KCNIP3: variants seen among roughly 807,000 people sequenced by gnomAD.
KCNIP3 encodes the protein calsenilin.
A neutral mutation model predicts 35.0 loss-of-function variants in KCNIP3; 28 were observed. The ratio of observed to expected loss-of-function variants is 0.80; its 90% confidence interval spans 0.59 to 1.10. KCNIP3 has a LOEUF of 1.10. KCNIP3 is among the 50% of genes least tolerant of loss of function. The pLI, the probability that KCNIP3 is intolerant of heterozygous loss-of-function variation, is 0.00. For missense variants in KCNIP3, 295 were observed against 338.4 expected, an observed-to-expected ratio of 0.87 and a Z score of 1.01; for synonymous variants, 134 against 133.8, an observed-to-expected ratio of 1.00 and a Z score of -0.01.
At chr2:95,345,996 G>A (rs1276090906) in intron 2 of KCNIP3, among the ~76,000 whole-genome samples, 2 of 152,232 alleles carry the variant, frequency 1.3e-5, no homozygotes, top group African/African-American at 2.4e-5. Flanking sequence ...TCCGTGACTC[G>A]ACCAAGGTCA....
At chr2:95,363,696 G>A (rs1202764807) in intron 2 of KCNIP3, among the ~76,000 whole-genome samples, 2 of 152,120 alleles carry the variant, frequency 1.3e-5, no homozygotes, top group Non-Finnish European at 2.9e-5. Context: ...ACATTAATAT[G>A]TGGCCATAAG....
intron 2 of KCNIP3, among the ~76,000 whole-genome samples, chr2:95,361,809 C>T (rs1679806174): frequency 2.0e-5 from 3 of 152,204 alleles, no homozygotes; most frequent in Admixed American, 6.5e-5. Context: ...GGTACGGCAG[C>T]GAGGAGACCC....
intron 2 of KCNIP3, among the ~76,000 whole-genome samples, chr2:95,325,783 T>G (rs539998592): frequency 9.9e-6 from 1 of 101,124 alleles, no homozygotes; most frequent in African/African-American, 3.9e-5. Context: ...ATACACACAC[T>G]CATACACACT....
At chr2:95,324,523 G>GATAAATAA (rs140027632) in intron 2 of KCNIP3, among the ~76,000 whole-genome samples, 48,131 of 145,598 alleles carry the variant, frequency 0.33, 8,947 homozygotes, top group African/African-American at 0.49. Flanking sequence ...AAAATAAATA[G>GATAAATAA]ATAAATAAAT....
chr2:95,335,182 G>A (rs555437616), intron 2 of KCNIP3, among the ~76,000 whole-genome samples: 1 of 152,346 alleles, frequency 6.6e-6, no homozygotes, highest in South Asian at 2.1e-4. Context: ...CACAGCTCCT[G>A]TGATGGGAAA....
rs1375915672 is a variant in KCNIP3 at position 95,354,971 on chromosome 2, C to T, written c.182-19325C>T. On this transcript the variant is annotated intron_variant, in intron 2 of 8. Coordinates refer to ENST00000295225, the MANE Select transcript of KCNIP3 (RefSeq NM_013434.5). Reference sequence around the variant, plus strand: ...GGGATGCTGATGACAGTGATAGGAACCAGCCTCTAGAGAATGCTCTCTCTT... The same window carrying T: ...GGGATGCTGATGACAGTGATAGGAATCAGCCTCTAGAGAATGCTCTCTCTT... 2.0e-5 allele frequency: 3 copies of T among 152,272 alleles called. No individual in the cohort carries two copies. In the East Asian group the frequency reaches 5.8e-4, roughly 29 times the overall value. The allele number at this position is 152,272 out of a possible 1,614,324, so 9.4% of individuals were successfully genotyped here.
intron 8 of KCNIP3, 45 bp downstream of exon 8, chr2:95,383,339 C>T: frequency 6.3e-7 from 1 of 1,590,862 alleles, no homozygotes; most frequent in Admixed American, 1.7e-5. Flanking sequence ...GCAGGCTCTA[C>T]ACGGAGGTGG....
chr2:95,317,072 G>A (rs1251538946), intron 2 of KCNIP3, among the ~76,000 whole-genome samples: 3 of 152,210 alleles, frequency 2.0e-5, no homozygotes, highest in Middle Eastern at 3.2e-3. Context: ...CAGGGCTGAG[G>A]GATGAGGCCA....
intron 1 of KCNIP3, among the ~76,000 whole-genome samples, chr2:95,305,309 G>A (rs1037580005): frequency 1.3e-5 from 2 of 152,214 alleles, no homozygotes; most frequent in African/African-American, 4.8e-5. Flanking sequence ...TTGGGTGCAT[G>A]AGAGTATTTT....
chr2:95,323,583 C>T (rs570188912), intron 2 of KCNIP3, among the ~76,000 whole-genome samples: 27 of 152,188 alleles, frequency 1.8e-4, no homozygotes, highest in African/African-American at 5.8e-4. Context: ...CCAACGCGTC[C>T]GCCTCCCTGG....
intron 2 of KCNIP3, among the ~76,000 whole-genome samples, chr2:95,317,849 GC>G (rs1651883855): frequency 6.6e-6 from 1 of 152,224 alleles, no homozygotes; most frequent in Non-Finnish European, 1.5e-5. Flanking sequence ...CCCAAGGATG[GC>G]AGGGTGCGGC....
chr2:95,334,191 GCT>G (rs142060520), intron 2 of KCNIP3, among the ~76,000 whole-genome samples: 47 of 152,362 alleles, frequency 3.1e-4, no homozygotes, highest in African/African-American at 1.1e-3. Context: ...GGGAACACAG[GCT>G]CTGAGTTGGC....
chr2:95,375,490 G>A (rs948708234), intron 5 of KCNIP3, among the ~76,000 whole-genome samples: 1 of 152,130 alleles, frequency 6.6e-6, no homozygotes, highest in African/African-American at 2.4e-5. Flanking sequence ...ACACACGGGT[G>A]GTAGTGACCC....
In KCNIP3 at chr2:95,365,216, C is replaced by T. The variant is rs546031092; in HGVS notation, c.182-9080C>T. On this transcript the variant is annotated intron_variant, in intron 2 of 8. Coordinates refer to ENST00000295225, the MANE Select transcript of KCNIP3 (RefSeq NM_013434.5). ...TCTCTCTGTTGCCCAGGCTGGATTACGGTGACATGATCTCAGCTCACTGCA... is the reference window on the plus strand; with the variant it reads ...TCTCTCTGTTGCCCAGGCTGGATTATGGTGACATGATCTCAGCTCACTGCA... Among the ~76,000 whole-genome samples, 141 of 139,004 alleles carry T rather than the reference C, an allele frequency of 1.0e-3. 2 individuals are homozygous for T. The highest frequency in any genetic ancestry group is 3.6e-3 in the African/African-American group (134 of 37,130). The allele number at this position is 139,004 out of a possible 152,430, so 91.2% of individuals were successfully genotyped here. A position where few individuals can be genotyped will look rare whatever the true frequency, so the allele number is the denominator to read the frequency against.
intron 2 of KCNIP3, among the ~76,000 whole-genome samples, chr2:95,367,741 T>A (rs1370155105): frequency 6.6e-5 from 10 of 151,756 alleles, no homozygotes; most frequent in African/African-American, 2.4e-4. Context: ...CTTCTTTATA[T>A]AAAAAAGTGA....
intron 2 of KCNIP3, among the ~76,000 whole-genome samples, chr2:95,325,852 TAC>T: frequency 2.0e-5 from 1 of 50,744 alleles, no homozygotes; most frequent in East Asian, 3.8e-4. Flanking sequence ...CATACACACA[TAC>T]ACTCACAGGC....
At position 95,384,200 on chromosome 2, in the gene KCNIP3, A is replaced by ACACACC; in HGVS notation, c.*156_*157insCCACAC. On this transcript the variant is annotated 3_prime_UTR_variant, in exon 9 of 9. Transcript: ENST00000295225. Reference sequence around the variant, plus strand: ...CACACACACACACACACACACACACACACACAGCCATTCATCTGGGCTGGC... The same window carrying ACACACC: ...CACACACACACACACACACACACACACACACCCACACAGCCATTCATCTGGGCTGGC... 2 of 663,324 alleles carry ACACACC rather than the reference A, an allele frequency of 3.0e-6. No homozygotes were observed. Among genetic ancestry groups the ACACACC allele is most frequent in the Non-Finnish European group, 5.4e-6 (2 of 369,488 alleles). 41.1% of individuals were successfully genotyped at this position (663,324 alleles called of 1,614,324 possible). A position where few individuals can be genotyped will look rare whatever the true frequency, so the allele number is the denominator to read the frequency against.
At chr2:95,368,858 C>T in intron 2 of KCNIP3, 1 of 192,166 alleles carries the variant, frequency 5.2e-6, no homozygotes, top group Non-Finnish European at 1.2e-5. Context: ...CCTCAGCTTC[C>T]AGGTAGCACA....
intron 2 of KCNIP3, among the ~76,000 whole-genome samples, chr2:95,320,546 C>G (rs1290051828): frequency 1.3e-5 from 2 of 152,010 alleles, no homozygotes; most frequent in Non-Finnish European, 2.9e-5. Context: ...CTGCCCCTCT[C>G]CCGTGGTCTT....
Sources: allele counts gnomAD v4.1 joint callset (sites outside exome capture counted in the v4.1 genomes callset), GRCh38; gene constraint gnomAD v4.1.1; transcripts MANE v1.5; gene names NCBI Gene and HGNC (gene_info 2026-07-23, HGNC 2026-07-21).